The following LGALS8 variants were observed in gnomAD, a reference collection of about 807,000 sequenced individuals.
The protein encoded by LGALS8 is galectin-8.
In LGALS8, 30 loss-of-function variants were observed where a neutral mutation model predicts 35.9. That is an observed-to-expected ratio of 0.83 (90% confidence interval 0.62 to 1.13). The LOEUF (loss-of-function observed/expected upper bound fraction) is 1.13, where lower values mean the gene tolerates loss of function less well. LGALS8 is among the 50% of genes most tolerant of loss of function. LGALS8 has a pLI of 0.00. For synonymous variants in LGALS8, 138 were observed against 136.1 expected (o/e 1.01, Z -0.10); for missense variants, 366 against 388.7 (o/e 0.94, Z 0.49).
At position 236,542,949 on chromosome 1, in the gene LGALS8, C is replaced by T. The variant is rs1381752185; in HGVS notation, c.549+162C>T. 5 of 1,613,936 alleles carry T rather than the reference C, an allele frequency of 3.1e-6. No individual in the cohort carries two copies. In the African/African-American group the frequency reaches 6.7e-5, roughly 22 times the overall value. ...AGAGGAGGAGACATTTCTAAAATCG[C>T]ACCCAGAACTGTCTACACCAAGAGC... On this transcript the variant is annotated intron_variant, in intron 7 of 9. Transcript: ENST00000366584.
chr1:236,533,163 A>T (rs1319376209), intron 2 of LGALS8, among the ~76,000 whole-genome samples: 1 of 152,140 alleles, frequency 6.6e-6, no homozygotes, highest in Admixed American at 6.5e-5. Flanking sequence ...CTGCGTGCTG[A>T]GAGAAGATGG....
chr1:236,542,059 A>G (rs1215444131), intron 6 of LGALS8, among the ~76,000 whole-genome samples: 1 of 152,228 alleles, frequency 6.6e-6, no homozygotes, highest in East Asian at 1.9e-4. Flanking sequence ...GAATAACTGC[A>G]ATTTAAAAAT....
In LGALS8 at chr1:236,548,156, T is replaced by C. The variant is rs869282294; in HGVS notation, c.949T>C (p.Trp317Arg). The C allele has an allele frequency of 1.2e-6, 2 of 1,613,228 alleles. No homozygotes were observed. The highest frequency in any genetic ancestry group is 8.5e-7 in the Non-Finnish European group (1 of 1,179,448). ...CATCCACTTACTGGAAGTAAGGAGC[T>C]GGTAGCCTACCTACACAGCTGCTAC... Reference protein sequence around the residue: ...GDIHLLEVRSW With the variant: ...GDIHLLEVRSR The change falls in exon 10 of 10, where the codon TGG (tryptophan) becomes CGG (arginine). Residue 317 changes from tryptophan (W) to arginine (R), a missense_variant. By Grantham distance (101) the Trp-to-Arg change is moderately radical. Transcript: ENST00000366584.
chr1:236,536,956 C>T (rs935496102), intron 2 of LGALS8, among the ~76,000 whole-genome samples: 1 of 149,742 alleles, frequency 6.7e-6, no homozygotes, highest in African/African-American at 2.4e-5. Flanking sequence ...CCTTGTGTCT[C>T]TTTCCAAAGA....
At chr1:236,542,923 TAG>T in intron 7 of LGALS8, 136 bp downstream of exon 7, 1 of 1,614,144 alleles carries the variant, frequency 6.2e-7, no homozygotes, top group Non-Finnish European at 8.5e-7. Flanking sequence ...AGCCTAGTAA[TAG>T]AGGAGGAGAC....
intron 3 of LGALS8, among the ~76,000 whole-genome samples, chr1:236,537,795 G>T: frequency 1.1e-5 from 1 of 91,700 alleles, no homozygotes; most frequent in Admixed American, 1.0e-4. Context: ...TCTGATTTCA[G>T]TATAAAAAAT....
chr1:236,537,008 A>C (rs2385255), intron 2 of LGALS8, among the ~76,000 whole-genome samples: 88,906 of 144,426 alleles, frequency 0.62, 28,054 homozygotes, highest in Non-Finnish European at 0.7. Flanking sequence ...CCTGGCCATG[A>C]GGTATGCAGT....
chr1:236,531,752 G>A (rs776158608), intron 2 of LGALS8, among the ~76,000 whole-genome samples: 45 of 152,134 alleles, frequency 3.0e-4, no homozygotes, highest in Non-Finnish European at 4.6e-4. Context: ...TGGCCTGACT[G>A]ATTCTTCTCT....
chr1:236,533,871 G>C (rs572950384), intron 2 of LGALS8, among the ~76,000 whole-genome samples: 2 of 150,746 alleles, frequency 1.3e-5, no homozygotes, highest in East Asian at 3.9e-4. Context: ...ATGGTACTGT[G>C]TCTCTGCTAC....
rs759222343 is a variant in LGALS8 at position 236,537,547 on chromosome 1, G to C, written c.96G>C (p.Leu32Phe). Residue 32 changes from leucine (L) to phenylalanine (F), a missense_variant, in exon 3 of 10, where the codon TTG (leucine) becomes TTC (phenylalanine). Leu to Phe is a conservative substitution (Grantham distance 22). Transcript: ENST00000366584. ...TIPDQLDPGT[L>F]IVIRGHVPSD... The stretch of plus-strand genomic sequence containing the variant: ...CTGATCAGCTGGATCCTGGAACTTT[G>C]ATTGTGATACGTGGGCATGTTCCTA... 6.2e-7 allele frequency: 1 copy of C among 1,607,282 alleles called. No individual in the cohort carries two copies. Among genetic ancestry groups the C allele is most frequent in the Non-Finnish European group, 8.5e-7 (1 of 1,173,552 alleles).
rs190992106 is a variant in LGALS8 at position 236,539,303 on chromosome 1, G to A, written c.345+214G>A. On this transcript the variant is annotated intron_variant, in intron 4 of 9. Coordinates refer to ENST00000366584, the MANE Select transcript of LGALS8 (RefSeq NM_201544.4). ...GCCAGTTGTTGCCATGCAGAAATAT[G>A]GTCCACTGTGACCAGATCTTTTTAT... 2.9e-4 allele frequency: 162 copies of A among 565,122 alleles called. No homozygotes were observed. In the Middle Eastern group the frequency reaches 3.4e-3, roughly 12 times the overall value. 35.0% of individuals were successfully genotyped at this position (565,122 alleles called of 1,614,324 possible).
chr1:236,551,157 A>T lies in LGALS8; in HGVS notation c.*2996A>T. On this transcript the variant is annotated 3_prime_UTR_variant, in exon 10 of 10. Transcript: ENST00000366584. ...GAGGCGCCACGGACCGCCTCCCTCC[A>T]CACCGCTCCTTCCGCCTTCATTCCT... 1 of 577,408 alleles carries T rather than the reference A, an allele frequency of 1.7e-6. No homozygotes were observed. Among genetic ancestry groups the T allele is most frequent in the Non-Finnish European group, 3.0e-6 (1 of 332,946 alleles). 35.8% of individuals were successfully genotyped at this position (577,408 alleles called of 1,614,324 possible).
At chr1:236,521,431 A>T (rs896146955), upstream of LGALS8, among the ~76,000 whole-genome samples, 4 of 152,294 alleles carry the variant, frequency 2.6e-5, no homozygotes, top group East Asian at 7.7e-4. Context: ...AGAAAAAGTG[A>T]GAAGGAAAGT....
At chr1:236,519,605 T>A (rs147377710), upstream of LGALS8, among the ~76,000 whole-genome samples, 276 of 152,298 alleles carry the variant, frequency 1.8e-3, 1 homozygote, top group African/African-American at 6.2e-3. Context: ...GGGAACACCA[T>A]CCCCTCTCCT....
chr1:236,521,551 G>A (rs375193531), upstream of LGALS8, among the ~76,000 whole-genome samples: 129 of 152,216 alleles, frequency 8.5e-4, 1 homozygote, highest in South Asian at 0.023. Flanking sequence ...ACGGTTGGCC[G>A]GATGCAGTGG....
intron 7 of LGALS8, chr1:236,543,003 C>T (rs757988353): frequency 6.2e-6 from 10 of 1,614,074 alleles, no homozygotes; most frequent in Non-Finnish European, 1.7e-6. Context: ...CACACTTTGA[C>T]TTGCACCAAA....
intron 1 of LGALS8, chr1:236,524,359 C>T (rs1178352660): frequency 4.4e-6 from 2 of 456,658 alleles, no homozygotes. Context: ...CCTGGGGTGT[C>T]TCCTCGCTGC....
At position 236,550,640 on chromosome 1, in the gene LGALS8, T is replaced by C. The variant is rs773839999; in HGVS notation, c.*2479T>C. 7.6e-6 allele frequency: 3 copies of C among 394,270 alleles called. No individual in the cohort carries two copies. The highest frequency in any genetic ancestry group is 1.4e-5 in the Non-Finnish European group (3 of 221,668). The allele number at this position is 394,270 out of a possible 1,614,324, so 24.4% of individuals were successfully genotyped here. ...TTACCATCAATCAGGAAGAGAATAATAAATGTTTAAACAAACACAGCAGTC... is the reference window on the plus strand; with the variant it reads ...TTACCATCAATCAGGAAGAGAATAACAAATGTTTAAACAAACACAGCAGTC... On this transcript the variant is annotated 3_prime_UTR_variant, in exon 10 of 10. Coordinates refer to ENST00000366584, the MANE Select transcript of LGALS8 (RefSeq NM_201544.4).
rs747181971 is a variant in LGALS8 at position 236,548,060 on chromosome 1, G to A, written c.853G>A (p.Val285Ile). 43 of 1,612,988 alleles carry A rather than the reference G, an allele frequency of 2.7e-5. No homozygotes were observed. The highest frequency in any genetic ancestry group is 3.3e-4 in the Middle Eastern group (2 of 6,064). The part of the protein sequence containing the change: ...VREFKVAVNG[V>I]HSLEYKHRFK... ...AGAATTCAAGGTTGCAGTAAATGGC[G>A]TACACAGCCTGGAGTACAAACACAG... The change falls in exon 10 of 10, where the codon GTA becomes ATA. Residue 285 changes from valine to isoleucine, a missense_variant. Coordinates refer to ENST00000366584, the MANE Select transcript of LGALS8 (RefSeq NM_201544.4).
Sources: allele counts gnomAD v4.1 joint callset (sites outside exome capture counted in the v4.1 genomes callset), GRCh38; gene constraint gnomAD v4.1.1; transcripts MANE v1.5; gene names NCBI Gene and HGNC (gene_info 2026-07-23, HGNC 2026-07-21).